The following TENT5D variants were observed in gnomAD, a reference collection of about 807,000 sequenced individuals.
TENT5D encodes the protein terminal nucleotidyltransferase 5D, also known as cancer/testis antigen 112.
For synonymous variants in TENT5D, 103 were observed against 100.6 expected, an observed-to-expected ratio of 1.02 and a Z score of -0.15; for missense variants, 191 against 287.0, an observed-to-expected ratio of 0.67 and a Z score of 2.42.
At chrX:80,443,565 A>G in exon 3 of TENT5D, 1 of 1,210,987 alleles carries the variant, frequency 8.3e-7, no homozygotes. Context: ...TACCCAATAC[A>G]CAAAAGGTAA....
At chrX:80,391,280 A>G (rs1931121171) in intron 3 of TENT5D, among the ~76,000 whole-genome samples, 1 of 111,777 alleles carries the variant, frequency 8.9e-6, no homozygotes, top group Non-Finnish European at 1.9e-5. Context: ...TCCTTTAAGT[A>G]GTACATAGCT....
chrX:80,386,890 C>T (rs1041930257), intron 3 of TENT5D, among the ~76,000 whole-genome samples: 1 of 111,670 alleles, frequency 9.0e-6, no homozygotes, highest in Non-Finnish European at 1.9e-5. Flanking sequence ...AACCAAAGTG[C>T]TAAAATGCTA....
At chrX:80,397,692 C>T (rs964155964) in intron 3 of TENT5D, among the ~76,000 whole-genome samples, 9 of 112,581 alleles carry the variant, frequency 8.0e-5, no homozygotes, top group South Asian at 3.7e-4. Flanking sequence ...CTCGGGAGGC[C>T]GAGGCTGGCG....
chrX:80,439,384 A>G (rs1932238862), intron 2 of TENT5D, among the ~76,000 whole-genome samples: 2 of 111,159 alleles, frequency 1.8e-5, no homozygotes, highest in Admixed American at 9.6e-5. Flanking sequence ...CATTCATCCA[A>G]AGTTTCTATT....
rs1263039936 is a variant in TENT5D, at chrX:80,442,519, T to C, written c.-18-3T>C. On this transcript the variant is annotated splice_region_variant and splice_polypyrimidine_tract_variant and intron_variant, in intron 2 of 2. Transcript: ENST00000308293. ...TCTTCCCAATATTTTGTTTGCTGTCTAGTGATCTACTGACTTCACAATGTC... is the reference window on the plus strand; with the variant it reads ...TCTTCCCAATATTTTGTTTGCTGTCCAGTGATCTACTGACTTCACAATGTC... 3.5e-6 allele frequency: 4 copies of C among 1,155,065 alleles called. No individual in the cohort carries two copies. The highest frequency in any genetic ancestry group is 3.5e-6 in the Non-Finnish European group (3 of 854,645).
intron 3 of TENT5D, among the ~76,000 whole-genome samples, chrX:80,373,402 C>G (rs1335521954): frequency 9.0e-6 from 1 of 111,045 alleles, no homozygotes; most frequent in South Asian, 3.8e-4. Flanking sequence ...GCCTTATTCA[C>G]TAAGCTTAAT....
intron 3 of TENT5D, among the ~76,000 whole-genome samples, chrX:80,398,623 A>T (rs1161932171): frequency 9.0e-6 from 1 of 110,785 alleles, no homozygotes; most frequent in Non-Finnish European, 1.9e-5. Context: ...ATCCTCGTGT[A>T]TATGGATATC....
intron 2 of TENT5D, among the ~76,000 whole-genome samples, chrX:80,441,622 A>G (rs1932283974): frequency 9.0e-6 from 1 of 111,436 alleles, no homozygotes; most frequent in South Asian, 3.7e-4. Flanking sequence ...TTGAAGATCC[A>G]TGTAATCACT....
chrX:80,395,411 T>G (rs1271122562), intron 3 of TENT5D, among the ~76,000 whole-genome samples: 1 of 111,984 alleles, frequency 8.9e-6, no homozygotes, highest in Non-Finnish European at 1.9e-5. Context: ...TAATATGGTA[T>G]TTCTGTTTTT....
chrX:80,418,235 G>A (rs759041528), upstream of TENT5D, among the ~76,000 whole-genome samples: 24 of 109,606 alleles, frequency 2.2e-4, no homozygotes, highest in South Asian at 9.2e-3. Context: ...CTGCAGCCTC[G>A]AACTCCTGAG....
chrX:80,379,075 A>G (rs1358038691), intron 3 of TENT5D, among the ~76,000 whole-genome samples: 1 of 103,791 alleles, frequency 9.6e-6, no homozygotes, highest in Non-Finnish European at 2.0e-5. Context: ...TTTTAGCATG[A>G]AGGGCTGTTG....
chrX:80,340,058 T>C (rs1395545991), intron 2 of TENT5D, among the ~76,000 whole-genome samples: 1 of 111,022 alleles, frequency 9.0e-6, no homozygotes. Flanking sequence ...TGGTAGGAAA[T>C]AATAAAACAT....
intron 1 of TENT5D, among the ~76,000 whole-genome samples, chrX:80,423,556 GTGA>G (rs1408326726): frequency 9.0e-6 from 1 of 110,799 alleles, no homozygotes; most frequent in African/African-American, 3.3e-5. Flanking sequence ...AGGAGCTGAA[GTGA>G]TGATTTATTG....
exon 3 of TENT5D, chrX:80,443,598 G>A (rs758782247): frequency 1.5e-5 from 18 of 1,208,611 alleles, no homozygotes; most frequent in South Asian, 3.5e-5. Context: ...AGCCTGCTCC[G>A]TACTTTGCAG....
In TENT5D at chrX:80,376,394, G is replaced by A. The variant is rs188408000; in HGVS notation, c.-142+33830G>A. 7.2e-3 allele frequency among the ~76,000 whole-genome samples: 801 copies of A among 111,314 alleles called. 6 individuals are homozygous for A. The highest frequency in any genetic ancestry group is 0.032 in the South Asian group (86 of 2,684). On this transcript the variant is annotated intron_variant, in intron 3 of 4. Transcript: ENST00000538312. The stretch of plus-strand genomic sequence containing the variant: ...GTCTTTTATTTAAACACTGATGGCT[G>A]AAATTCATCTTTTTCTTTAGCATGT...
exon 3 of TENT5D, chrX:80,443,364 A>G: frequency 1.7e-6 from 2 of 1,211,145 alleles, no homozygotes; most frequent in Admixed American, 4.4e-5. Context: ...ATATAGAAGA[A>G]CAGCAAAAGA....
chrX:80,381,427 A>G (rs1239303119), intron 3 of TENT5D, among the ~76,000 whole-genome samples: 2 of 110,316 alleles, frequency 1.8e-5, no homozygotes, highest in Admixed American at 9.7e-5. Flanking sequence ...AAATCTGACA[A>G]TTGTGTCTTG....
intron 3 of TENT5D, among the ~76,000 whole-genome samples, chrX:80,346,137 G>A (rs1200142491): frequency 1.8e-5 from 2 of 111,905 alleles, no homozygotes; most frequent in African/African-American, 6.5e-5. Flanking sequence ...AATGTTATGT[G>A]ACTGGCTTCT....
intron 3 of TENT5D, among the ~76,000 whole-genome samples, chrX:80,386,343 G>A (rs1200184152): frequency 9.0e-6 from 1 of 110,623 alleles, no homozygotes; most frequent in Non-Finnish European, 1.9e-5. Flanking sequence ...ACTCATAGGT[G>A]GGAATCGAAC....
Sources: allele counts gnomAD v4.1 joint callset (sites outside exome capture counted in the v4.1 genomes callset), GRCh38; gene constraint gnomAD v4.1.1; transcripts MANE v1.5; gene names NCBI Gene and HGNC (gene_info 2026-07-23, HGNC 2026-07-21).